ARID4A: variants seen among roughly 807,000 people sequenced by gnomAD.
ARID4A encodes the protein AT-rich interaction domain 4A, also known as AT-rich interactive domain-containing protein 4A.
Under a neutral mutation model 148.6 loss-of-function variants are expected in ARID4A, and 39 were observed. The ratio of observed to expected loss-of-function variants is 0.26; its 90% confidence interval spans 0.20 to 0.34. The LOEUF (loss-of-function observed/expected upper bound fraction) is 0.34. Among genes scored for constraint, ARID4A ranks in the 10% least tolerant of loss-of-function variants. The pLI, the probability that ARID4A is intolerant of heterozygous loss-of-function variation, is 1.00. For missense variants in ARID4A, 1,265 were observed against 1,449.1 expected, an observed-to-expected ratio of 0.87 and a Z score of 2.06; for synonymous variants, 475 against 481.2, an observed-to-expected ratio of 0.99 and a Z score of 0.17.
chr14:58,320,167 CG>C (rs2032774583), intron 7 of ARID4A, among the ~76,000 whole-genome samples: 1 of 151,708 alleles, frequency 6.6e-6, no homozygotes, highest in African/African-American at 2.4e-5. Flanking sequence ...AGGATGATCT[CG>C]ATCTCTTGAC....
At chr14:58,320,382 C>T in intron 7 of ARID4A, among the ~76,000 whole-genome samples, 1 of 151,878 alleles carries the variant, frequency 6.6e-6, no homozygotes, top group Non-Finnish European at 1.5e-5. Context: ...GTATGAATAC[C>T]AAATTTAGAA....
At chr14:58,299,691 G>A in intron 1 of ARID4A, 107 bp from the exon 2 acceptor site, 9 of 922,490 alleles carry the variant, frequency 9.8e-6, no homozygotes, top group Non-Finnish European at 1.4e-5. Context: ...TCCCTTGGCT[G>A]GTGAGGATTC....
intron 7 of ARID4A, among the ~76,000 whole-genome samples, chr14:58,322,963 C>CAAAAA (rs386381476): frequency 0.19 from 7,882 of 41,750 alleles, 1,222 homozygotes; most frequent in Non-Finnish European, 0.21. Flanking sequence ...ACTCCATTTC[C>CAAAAA]AAAAAAAAAA....
At position 58,304,322 on chromosome 14, in the gene ARID4A, TAAAATTA is replaced by T. The variant is rs372334937; in HGVS notation, c.118-620_118-614del. On this transcript the variant is annotated intron_variant, in intron 3 of 23. Transcript: ENST00000355431. Reference sequence around the variant, plus strand: ...TTTGGTATTGTGGCTCTTATTTACTTAAAATTAATACAATGATTGTTTTAGGAGGTCT... The same window carrying T: ...TTTGGTATTGTGGCTCTTATTTACTTATACAATGATTGTTTTAGGAGGTCT... Among the ~76,000 whole-genome samples, 331 of 152,350 alleles carry T rather than the reference TAAAATTA, an allele frequency of 2.2e-3. 3 individuals are homozygous for T. The highest frequency in any genetic ancestry group is 7.1e-3 in the African/African-American group (297 of 41,584).
rs989778791 is a variant in ARID4A at position 58,373,330 on chromosome 14, T to C, written c.*1341T>C. 2.6e-5 allele frequency: 5 copies of C among 190,108 alleles called. No individual in the cohort carries two copies. Among genetic ancestry groups the C allele is most frequent in the African/African-American group, 1.2e-4 (5 of 42,926 alleles). The allele number at this position is 190,108 out of a possible 1,614,324, so 11.8% of individuals were successfully genotyped here. A position where few individuals can be genotyped will look rare whatever the true frequency, so the allele number is the denominator to read the frequency against. On this transcript the variant is annotated 3_prime_UTR_variant, in exon 24 of 24. Transcript: ENST00000355431. Reference sequence around the variant, plus strand: ...CAAAATCATGTATTTAAAGCAGTTTTGCATATACATTATGTAAAAAGGTGA... The same window carrying C: ...CAAAATCATGTATTTAAAGCAGTTTCGCATATACATTATGTAAAAAGGTGA...
chr14:58,329,866 A>G (rs970867362), intron 10 of ARID4A, 137 bp from the exon 11 acceptor site: 1 of 1,365,434 alleles, frequency 7.3e-7, no homozygotes, highest in African/African-American at 1.5e-5. Flanking sequence ...CTTATGAAAT[A>G]TGTTAAAGCT....
chr14:58,323,762 G>A (rs995597906), intron 8 of ARID4A, 145 bp downstream of exon 8: 1 of 659,008 alleles, frequency 1.5e-6, no homozygotes, highest in African/African-American at 1.8e-5. Context: ...TCATAGTCAG[G>A]TCCATAATAC....
Position 58,364,670 on chromosome 14 carries a change from G to C in ARID4A, c.2581G>C (p.Gly861Arg). Residue 861 changes from glycine to arginine, a missense_variant, in exon 20 of 24, where the codon GGA becomes CGA. Physicochemically the swap from Gly to Arg is moderately radical, Grantham distance 125. Coordinates refer to ENST00000355431, the MANE Select transcript of ARID4A (RefSeq NM_002892.4). ...KEKKLKRKIL[G>R]QSSPEKKIRI... ...AAAGAAGTTGAAACGGAAAATACTA[G>C]GACAATCATCGCCAGAGAAAAAAAT... 2 of 1,613,688 alleles carry C rather than the reference G, an allele frequency of 1.2e-6. No individual in the cohort carries two copies. Among genetic ancestry groups the C allele is most frequent in the South Asian group, 1.1e-5 (1 of 91,036 alleles).
intron 10 of ARID4A, 118 bp downstream of exon 10, chr14:58,329,722 C>T (rs2033413928): frequency 1.0e-6 from 1 of 977,164 alleles, no homozygotes; most frequent in Non-Finnish European, 1.5e-6. Flanking sequence ...AGTTGATATC[C>T]ACTCTTACTT....
At chr14:58,355,118 T>C (rs1255623228) in intron 17 of ARID4A, among the ~76,000 whole-genome samples, 3 of 152,194 alleles carry the variant, frequency 2.0e-5, no homozygotes, top group African/African-American at 7.2e-5. Context: ...AGGGGCTGCC[T>C]TTCTTGTTCT....
At chr14:58,356,630 A>G (rs190081160) in intron 17 of ARID4A, among the ~76,000 whole-genome samples, 2 of 149,320 alleles carry the variant, frequency 1.3e-5, no homozygotes, top group South Asian at 2.1e-4. Flanking sequence ...TTCAACTTCA[A>G]TTTTTTTTTT....
intron 5 of ARID4A, among the ~76,000 whole-genome samples, chr14:58,312,485 G>A (rs1290980726): frequency 6.6e-6 from 1 of 151,876 alleles, no homozygotes; most frequent in Non-Finnish European, 1.5e-5. Context: ...CAAAGTGCTG[G>A]GATTACAGGC....
At position 58,329,509 on chromosome 14, in the gene ARID4A, C is replaced by T; in HGVS notation, c.663-19C>T. The T allele has an allele frequency of 2.0e-6, 3 of 1,502,760 alleles. No homozygotes were observed. Among genetic ancestry groups the T allele is most frequent in the Non-Finnish European group, 2.8e-6 (3 of 1,080,736 alleles). 93.1% of individuals were successfully genotyped at this position (1,502,760 alleles called of 1,614,324 possible). A position where few individuals can be genotyped will look rare whatever the true frequency, so the allele number is the denominator to read the frequency against. ...TTTATTGAATAAATTGTTTTCCTCC[C>T]CTTCTTCTTGATAATTAGTTACTCT... On this transcript the variant is annotated intron_variant, in intron 9 of 23. Transcript: ENST00000355431.
chr14:58,310,130 C>G (rs1477793983), intron 5 of ARID4A, among the ~76,000 whole-genome samples: 1 of 152,104 alleles, frequency 6.6e-6, no homozygotes, highest in Non-Finnish European at 1.5e-5. Flanking sequence ...ATGGCCTTCC[C>G]TAAGACTTAG....
At chr14:58,312,714 A>T (rs989854619) in intron 5 of ARID4A, among the ~76,000 whole-genome samples, 34 of 152,136 alleles carry the variant, frequency 2.2e-4, no homozygotes, top group African/African-American at 8.2e-4. Context: ...TTCATTTTAT[A>T]CTTCTGTTTC....
Position 58,360,924 on chromosome 14 carries a change from C to T in ARID4A, c.1962C>T (p.Asp654=), listed in dbSNP as rs2035106627. The change falls in exon 19 of 24, where the codon GAC becomes GAT. Residue 654 remains aspartate, a synonymous_variant. Transcript: ENST00000355431. ...AGAATAAAGAAGATAGTGAAAAGGA[C>T]GAAAAGAGAGATGAGGAGAGGCAGA... ...KAKNKEDSEK[D]EKRDEERQKS... The T allele has an allele frequency of 3.7e-6, 6 of 1,613,932 alleles. No homozygotes were observed. The highest frequency in any genetic ancestry group is 1.1e-5 in the South Asian group (1 of 91,074).
At chr14:58,326,107 T>A (rs2033193644) in intron 8 of ARID4A, among the ~76,000 whole-genome samples, 1 of 152,066 alleles carries the variant, frequency 6.6e-6, no homozygotes, top group South Asian at 2.1e-4. Flanking sequence ...AGGTGAGCTT[T>A]GAAGGATTTA....
chr14:58,351,694 TAACA>T (rs1292971190), intron 16 of ARID4A: 1 of 176,880 alleles, frequency 5.7e-6, no homozygotes, highest in Non-Finnish European at 1.2e-5. Flanking sequence ...GTGGGAAAGC[TAACA>T]AACACATGGG....
chr14:58,330,759 A>C (rs1274251589), intron 11 of ARID4A, among the ~76,000 whole-genome samples: 1 of 152,198 alleles, frequency 6.6e-6, no homozygotes, highest in Non-Finnish European at 1.5e-5. Context: ...AAATATTTAG[A>C]TTATATGTTC....
Sources: allele counts gnomAD v4.1 joint callset (sites outside exome capture counted in the v4.1 genomes callset), GRCh38; gene constraint gnomAD v4.1.1; transcripts MANE v1.5; gene names NCBI Gene and HGNC (gene_info 2026-07-23, HGNC 2026-07-21).